Variants in MECOM observed in about 807,000 individuals in gnomAD.
MECOM encodes the protein MDS1 and EVI1 complex locus, also known as histone-lysine N-methyltransferase MECOM.
MECOM carries 13 observed loss-of-function variants against 116.3 expected under a neutral mutation model. The observed-to-expected ratio is 0.11, with a 90% confidence interval of 0.07 to 0.18. The LOEUF (loss-of-function observed/expected upper bound fraction) is 0.18. Ranked by LOEUF, MECOM falls within the 10% of genes least tolerant of loss-of-function variation. The pLI, the probability that MECOM is intolerant of heterozygous loss-of-function variation, is 1.00. For missense variants in MECOM, 1,299 were observed against 1,509.0 expected (o/e 0.86, Z 2.31); for synonymous variants, 528 against 535.2 (o/e 0.99, Z 0.19).
chr3:169,135,242 C>A (rs1312332150), intron 3 of MECOM, among the ~76,000 whole-genome samples: 2 of 151,916 alleles, frequency 1.3e-5, no homozygotes, highest in African/African-American at 4.8e-5. Flanking sequence ...AATAATGGGT[C>A]TCTTCTCCTA....
At chr3:169,099,643 C>T (rs1035864511) in intron 12 of MECOM, among the ~76,000 whole-genome samples, 7 of 151,984 alleles carry the variant, frequency 4.6e-5, no homozygotes, top group Admixed American at 4.6e-4. Flanking sequence ...AAATAACTTA[C>T]TTTTTGTTTT....
chr3:169,091,782 C>T (rs909980665), intron 14 of MECOM, among the ~76,000 whole-genome samples: 1 of 150,884 alleles, frequency 6.6e-6, no homozygotes, highest in Non-Finnish European at 1.5e-5. Context: ...CAGAAGTGGT[C>T]ATTTTTTTTG....
At chr3:169,120,288 G>C (rs1014653344) in intron 7 of MECOM, among the ~76,000 whole-genome samples, 1 of 152,208 alleles carries the variant, frequency 6.6e-6, no homozygotes, top group African/African-American at 2.4e-5. Flanking sequence ...ACAATACAGA[G>C]AATAGGAGTG....
At chr3:169,614,471 G>T (rs1394552595) in intron 1 of MECOM, among the ~76,000 whole-genome samples, 3 of 152,134 alleles carry the variant, frequency 2.0e-5, no homozygotes, top group African/African-American at 7.2e-5. Context: ...CTTCAAAATA[G>T]TTAAACAAAA....
intron 2 of MECOM, among the ~76,000 whole-genome samples, chr3:169,253,844 C>T (rs1345421622): frequency 6.6e-6 from 1 of 151,780 alleles, no homozygotes; most frequent in Non-Finnish European, 1.5e-5. Context: ...TTCTTTGTAC[C>T]CCAACTACAT....
At chr3:169,151,118 T>C (rs980166182) in intron 2 of MECOM, among the ~76,000 whole-genome samples, 2 of 152,234 alleles carry the variant, frequency 1.3e-5, no homozygotes, top group Non-Finnish European at 2.9e-5. Flanking sequence ...TTAAACTTCA[T>C]GGTCGTCCCA....
At chr3:169,523,698 T>G (rs1287922001) in intron 1 of MECOM, among the ~76,000 whole-genome samples, 1 of 152,060 alleles carries the variant, frequency 6.6e-6, no homozygotes, top group Non-Finnish European at 1.5e-5. Context: ...AACCCCTAAG[T>G]TGCCAAATTA....
In MECOM at chr3:169,537,453, G is replaced by A. The variant is rs1470828081; in HGVS notation, c.37+125883C>T. On this transcript the variant is annotated intron_variant, in intron 1 of 16. Transcript: ENST00000651503. ...CATCCTCTGATTATACACCGGCCCAGATAAATGAAATCAGAGACATAAAAG... is the reference window on the plus strand; with the variant it reads ...CATCCTCTGATTATACACCGGCCCAAATAAATGAAATCAGAGACATAAAAG... Among the ~76,000 whole-genome samples, 4 of 152,164 alleles carry A rather than the reference G, an allele frequency of 2.6e-5. No individual in the cohort carries two copies. The East Asian group carries it at 5.8e-4, about 22-fold the overall frequency.
chr3:169,233,015 G>A (rs1193577558), intron 2 of MECOM, among the ~76,000 whole-genome samples: 8 of 152,086 alleles, frequency 5.3e-5, no homozygotes, highest in African/African-American at 1.7e-4. Flanking sequence ...TTCGTAGACC[G>A]AGCTTGGAGT....
intron 1 of MECOM, among the ~76,000 whole-genome samples, chr3:169,428,579 G>A (rs1741104992): frequency 6.6e-6 from 1 of 152,130 alleles, no homozygotes; most frequent in African/African-American, 2.4e-5. Flanking sequence ...AAGCTACTCA[G>A]TCTATGGTAT....
At chr3:169,493,887 G>A (rs573814069) in intron 1 of MECOM, among the ~76,000 whole-genome samples, 8 of 151,756 alleles carry the variant, frequency 5.3e-5, no homozygotes, top group African/African-American at 1.2e-4. Context: ...AGAGATTGAC[G>A]AGTACACACT....
chr3:169,125,050 A>G (rs1277690110), intron 5 of MECOM, among the ~76,000 whole-genome samples: 2 of 152,022 alleles, frequency 1.3e-5, no homozygotes, highest in Non-Finnish European at 2.9e-5. Flanking sequence ...CCTCCCCACA[A>G]CTCTATTCGT....
chr3:169,531,239 T>C (rs1175207268), intron 1 of MECOM, among the ~76,000 whole-genome samples: 1 of 152,206 alleles, frequency 6.6e-6, no homozygotes, highest in Non-Finnish European at 1.5e-5. Context: ...GCACTGTTCC[T>C]GAATACAATT....
rs547687603 is a variant in MECOM, at chr3:169,547,403, A to G, written c.37+115933T>C. Among the ~76,000 whole-genome samples, 163 of 152,300 alleles carry G rather than the reference A, an allele frequency of 1.1e-3. 3 individuals carry two copies. Among genetic ancestry groups the G allele is most frequent in the South Asian group, 9.1e-3 (44 of 4,818 alleles). ...ATTACCCAGTCTCAGGTAGTTCTTTATAGTAGTGTGAGAATGGTCTAATAC... is the reference window on the plus strand; with the variant it reads ...ATTACCCAGTCTCAGGTAGTTCTTTGTAGTAGTGTGAGAATGGTCTAATAC... On this transcript the variant is annotated intron_variant, in intron 1 of 16. Coordinates refer to ENST00000651503, the MANE Select transcript of MECOM (RefSeq NM_004991.4).
intron 10 of MECOM, among the ~76,000 whole-genome samples, chr3:169,103,459 A>C (rs1724283018): frequency 6.6e-6 from 1 of 152,172 alleles, no homozygotes; most frequent in South Asian, 2.1e-4. Flanking sequence ...TTCTCAGGGC[A>C]GTGTGCCATT....
intron 3 of MECOM, among the ~76,000 whole-genome samples, chr3:169,135,415 C>T (rs934180530): frequency 4.0e-5 from 6 of 151,794 alleles, no homozygotes; most frequent in Non-Finnish European, 8.8e-5. Flanking sequence ...GTTATTTTTG[C>T]TCTCTCTCTC....
At chr3:169,644,148 C>T (rs1023670976) in intron 1 of MECOM, among the ~76,000 whole-genome samples, 2 of 152,144 alleles carry the variant, frequency 1.3e-5, no homozygotes, top group African/African-American at 4.8e-5. Context: ...CATAGATTAT[C>T]TCAAATAGTT....
intron 1 of MECOM, among the ~76,000 whole-genome samples, chr3:169,480,837 T>C (rs994881012): frequency 2.0e-5 from 3 of 152,066 alleles, no homozygotes; most frequent in Non-Finnish European, 2.9e-5. Context: ...GTCTGCAGAG[T>C]GTCAAGGATC....
chr3:169,613,496 T>C (rs927803163), intron 1 of MECOM: 1 of 152,230 alleles, frequency 6.6e-6, no homozygotes, highest in African/African-American at 2.4e-5. Flanking sequence ...TACAAGAATG[T>C]GGACCTGTGA....
Sources: gnomAD v4.1 joint callset for allele counts (sites outside exome capture counted in the v4.1 genomes callset) on GRCh38, gnomAD v4.1.1 for gene constraint, MANE v1.5 for transcripts, NCBI Gene and HGNC (gene_info 2026-07-23, HGNC 2026-07-21) for gene names.